The following DNAH14 variants were observed in gnomAD, a reference collection of about 807,000 sequenced individuals.
DNAH14 encodes the protein axonemal beta dynein heavy chain 14.
A neutral mutation model predicts 520.9 loss-of-function variants in DNAH14; 478 were observed. The ratio of observed to expected loss-of-function variants is 0.92; its 90% CI spans 0.85 to 0.99. DNAH14 has a LOEUF of 0.99. Ranked by LOEUF, DNAH14 falls within the 50% of genes least tolerant of loss-of-function variation. The pLI is 0.00. For missense variants in DNAH14, 4,831 were observed against 5,234.5 expected, an observed-to-expected ratio of 0.92 and a Z score of 2.38; for synonymous variants, 1,581 against 1,757.2, an observed-to-expected ratio of 0.90 and a Z score of 2.51.
intron 81 of DNAH14, among the ~76,000 whole-genome samples, chr1:225,387,288 TGACGAGTTAAC>T (rs2095852914): frequency 6.6e-6 from 1 of 151,834 alleles, no homozygotes; most frequent in Admixed American, 6.6e-5. Context: ...ATAATGTAAA[TGACGAGTTAAC>T]GGGTGCAGCT....
chr1:225,380,581 A>G (rs1305778592), intron 80 of DNAH14, among the ~76,000 whole-genome samples: 2 of 152,208 alleles, frequency 1.3e-5, no homozygotes, highest in African/African-American at 2.4e-5. Flanking sequence ...CAAACTAGAA[A>G]GCAGCAACTC....
intron 15 of DNAH14, 63 bp from the exon 16 acceptor site, chr1:225,050,147 A>G: frequency 5.8e-6 from 8 of 1,367,526 alleles, no homozygotes; most frequent in Non-Finnish European, 7.8e-6. Flanking sequence ...TGTCATGGAT[A>G]ATTTTGAAGT....
chr1:225,171,368 G>A (rs369124405), intron 36 of DNAH14, among the ~76,000 whole-genome samples: 34 of 152,000 alleles, frequency 2.2e-4, no homozygotes, highest in African/African-American at 6.5e-4. Flanking sequence ...TTGATAGACC[G>A]CTAGCAAAAC....
intron 60 of DNAH14, among the ~76,000 whole-genome samples, chr1:225,315,249 T>C (rs2094445274): frequency 6.6e-6 from 1 of 151,858 alleles, no homozygotes; most frequent in Non-Finnish European, 1.5e-5. Flanking sequence ...TATTTGGGTA[T>C]GCTTCACGAA....
At chr1:224,944,987 C>T (rs112673714) in intron 1 of DNAH14, among the ~76,000 whole-genome samples, 4 of 152,074 alleles carry the variant, frequency 2.6e-5, no homozygotes, top group African/African-American at 7.2e-5. Context: ...TTGCTCTTCT[C>T]GAGGAATATC....
At chr1:225,192,933 T>A (rs1382689534) in intron 38 of DNAH14, 22 bp downstream of exon 38, 2 of 1,503,166 alleles carry the variant, frequency 1.3e-6, no homozygotes, top group Admixed American at 4.0e-5. Flanking sequence ...ATTGAATGAA[T>A]GTTTTTATTT....
intron 17 of DNAH14, among the ~76,000 whole-genome samples, chr1:225,078,843 C>CTCT (rs2072696932): frequency 3.1e-4 from 16 of 52,112 alleles, no homozygotes; most frequent in Non-Finnish European, 4.4e-4. Context: ...TCTCTCTCTC[C>CTCT]CTCTCTCTCT....
intron 41 of DNAH14, among the ~76,000 whole-genome samples, chr1:225,220,875 G>C (rs1363316959): frequency 6.6e-6 from 1 of 152,158 alleles, no homozygotes; most frequent in African/African-American, 2.4e-5. Context: ...AGCAAAGCTG[G>C]AGGCATCACA....
chr1:225,121,727 G>C (rs1371469538), intron 26 of DNAH14, among the ~76,000 whole-genome samples: 1 of 152,090 alleles, frequency 6.6e-6, no homozygotes, highest in African/African-American at 2.4e-5. Context: ...TGTAGTCCCA[G>C]CTACTTGGGA....
At chr1:225,087,035 C>CACACACAG (rs1491096002) in intron 21 of DNAH14, among the ~76,000 whole-genome samples, 2 of 150,228 alleles carry the variant, frequency 1.3e-5, no homozygotes, top group Admixed American at 6.6e-5. Flanking sequence ...CACACACACA[C>CACACACAG]AGCCTTCTAC....
intron 25 of DNAH14, among the ~76,000 whole-genome samples, 177 bp from the exon 26 acceptor site, chr1:225,119,043 A>G (rs973717179): frequency 6.6e-6 from 1 of 152,154 alleles, no homozygotes; most frequent in Non-Finnish European, 1.5e-5. Flanking sequence ...GCATGTTCAT[A>G]TGTTTTCTGC....
chr1:224,995,960 A>G (rs1352857208), intron 8 of DNAH14, among the ~76,000 whole-genome samples: 2 of 151,968 alleles, frequency 1.3e-5, no homozygotes, highest in Non-Finnish European at 2.9e-5. Flanking sequence ...TTTTTTATAC[A>G]TATCTTTTTG....
intron 17 of DNAH14, among the ~76,000 whole-genome samples, chr1:225,054,249 T>C (rs530793273): frequency 1.1e-4 from 17 of 152,322 alleles, no homozygotes; most frequent in African/African-American, 4.1e-4. Flanking sequence ...ACCCACCTTC[T>C]CTACCACAGA....
At chr1:225,387,131 G>C (rs1350846057) in intron 81 of DNAH14, among the ~76,000 whole-genome samples, 5 of 151,904 alleles carry the variant, frequency 3.3e-5, no homozygotes, top group African/African-American at 1.2e-4. Context: ...GCAAACTATT[G>C]CAAGGACAGA....
chr1:225,387,058 T>C (rs924163520), intron 81 of DNAH14, among the ~76,000 whole-genome samples: 3 of 152,006 alleles, frequency 2.0e-5, no homozygotes, highest in Admixed American at 6.6e-5. Flanking sequence ...TATGCAGCCA[T>C]AAAAAAGGAT....
At chr1:225,339,647 A>T (rs2095138485) in intron 68 of DNAH14, among the ~76,000 whole-genome samples, 2 of 152,164 alleles carry the variant, frequency 1.3e-5, no homozygotes. Flanking sequence ...CATGTTAGGA[A>T]TGTGTGTTGA....
In DNAH14 at chr1:225,266,695, C is replaced by T. The variant is rs568140298; in HGVS notation, c.7465C>T (p.Gln2489Ter). 1 of 1,519,910 alleles carries T rather than the reference C, an allele frequency of 6.6e-7. No individual in the cohort carries two copies. Among genetic ancestry groups the T allele is most frequent in the Non-Finnish European group, 8.8e-7 (1 of 1,138,510 alleles). The allele number at this position is 1,519,910 out of a possible 1,614,324, so 94.2% of individuals were successfully genotyped here. A position where few individuals can be genotyped will look rare whatever the true frequency, so the allele number is the denominator to read the frequency against. The change falls in exon 49 of 86, where the codon CAG becomes TAG. Residue 2489 changes from glutamine to a stop codon, truncating the protein, a stop_gained. Coordinates refer to ENST00000682510, the MANE Select transcript of DNAH14 (RefSeq NM_001367479.1). LOFTEE classifies it high-confidence loss of function. ...NMPVSDMYGA[Q>*]PPLELIRQLL... The stretch of plus-strand genomic sequence containing the variant: ...GCCAGTATCAGATATGTATGGAGCA[C>T]AGCCACCCCTGGAATTGATAAGACA...
intron 60 of DNAH14, 53 bp from the exon 61 acceptor site, chr1:225,318,524 TTTTAAA>T: frequency 7.0e-7 from 1 of 1,431,382 alleles, no homozygotes; most frequent in Non-Finnish European, 9.3e-7. Flanking sequence ...CATACAAAAA[TTTTAAA>T]TATGCAACTA....
At chr1:224,968,726 A>G in intron 6 of DNAH14, 33 bp from the exon 7 acceptor site, 1 of 1,248,848 alleles carries the variant, frequency 8.0e-7, no homozygotes, top group Non-Finnish European at 1.1e-6. Context: ...TTTTTAAAGA[A>G]ATAAAATAAT....
Sources: gnomAD v4.1 joint callset for allele counts (sites outside exome capture counted in the v4.1 genomes callset) on GRCh38, gnomAD v4.1.1 for gene constraint, MANE v1.5 for transcripts, NCBI Gene and HGNC (gene_info 2026-07-23, HGNC 2026-07-21) for gene names.